The following GRIP2 variants were observed in gnomAD, a reference collection of about 807,000 sequenced individuals.
GRIP2 encodes the protein glutamate receptor-interacting protein 2.
A neutral mutation model predicts 108.3 loss-of-function variants in GRIP2; 58 were observed. The observed-to-expected ratio is 0.54, with a 90% confidence interval of 0.43 to 0.67. The LOEUF (loss-of-function observed/expected upper bound fraction) is 0.67, where lower values mean the gene tolerates loss of function less well. Among genes scored for constraint, GRIP2 ranks in the 30% least tolerant of loss-of-function variants. The pLI, the probability that GRIP2 is intolerant of heterozygous loss-of-function variation, is 0.00. For missense variants in GRIP2, 1,278 were observed against 1,430.6 expected (o/e 0.89, Z 1.72); for synonymous variants, 586 against 598.2 (o/e 0.98, Z 0.30).
At chr3:14,558,301 C>T (rs1695266923), upstream of GRIP2, among the ~76,000 whole-genome samples, 1 of 152,222 alleles carries the variant, frequency 6.6e-6, no homozygotes, top group Non-Finnish European at 1.5e-5. Context: ...CCTTATAAAA[C>T]CCCTATTGTG....
the GRIP2 span, among the ~76,000 whole-genome samples, chr3:14,565,727 C>A: frequency 6.6e-6 from 1 of 152,204 alleles, no homozygotes. Context: ...CAGACCCTTG[C>A]AGGGAGCTAT....
At position 14,522,993 on chromosome 3, in the gene GRIP2, G is replaced by A. The variant is rs968546026; in HGVS notation, c.566+7C>T. 7 of 1,613,234 alleles carry A rather than the reference G, an allele frequency of 4.3e-6. No homozygotes were observed. Among genetic ancestry groups the A allele is most frequent in the South Asian group, 2.2e-5 (2 of 91,048 alleles). ...GCAGTGTGTGGATTTCTTCTGCCTC[G>A]GCTCACCTGTCGGCAGGGCCACCGG... On this transcript the variant is annotated splice_region_variant and intron_variant, in intron 6 of 23. Transcript: ENST00000621039. This position sits in a 1 kb window ranked among gnomAD's most constrained non-coding sequence, Gnocchi z 4.3.
chr3:14,513,526 T>C (rs1694158338), intron 13 of GRIP2, 139 bp downstream of exon 13: 1 of 1,178,704 alleles, frequency 8.5e-7, no homozygotes, highest in African/African-American at 1.5e-5. Flanking sequence ...CTTCCCACTA[T>C]AAGCTGCAAA....
rs1694932501 is a variant in GRIP2, at chr3:14,540,217, G to A, written c.40+52C>T. On this transcript the variant is annotated intron_variant, in intron 1 of 23. Coordinates refer to ENST00000621039, the MANE Select transcript of GRIP2 (RefSeq NM_001080423.4). This position sits in a 1 kb window ranked among gnomAD's most constrained non-coding sequence, Gnocchi z 4.1. Reference sequence around the variant, plus strand: ...CTCTCTCTGGGCAGCAGCTCCAGAGGGATCTATGTGTTCAGCCCCATCACT... The same window carrying A: ...CTCTCTCTGGGCAGCAGCTCCAGAGAGATCTATGTGTTCAGCCCCATCACT... 1.3e-6 allele frequency: 2 copies of A among 1,594,820 alleles called. No individual in the cohort carries two copies. The highest frequency in any genetic ancestry group is 2.3e-5 in the East Asian group (1 of 44,436).
chr3:14,574,860 A>C, the GRIP2 span: 2 of 313,352 alleles, frequency 6.4e-6, no homozygotes, highest in Non-Finnish European at 1.2e-5. Flanking sequence ...ATGAATATCA[A>C]AAACATCATG....
rs1355628528 is a variant in GRIP2, at chr3:14,505,996, C to G, written c.2399-207G>C. ...AGTTAATGCCTGGGGCTCTGCGACT[C>G]TGTCTCAACTCCATCGGCCTGGGCT... is the stretch of plus-strand genomic sequence containing the variant. On this transcript the variant is annotated intron_variant, in intron 19 of 23. Coordinates refer to ENST00000621039, the MANE Select transcript of GRIP2 (RefSeq NM_001080423.4). The surrounding 1 kb of genome is among the most constrained non-coding windows in gnomAD (Gnocchi z 4.2). 1.3e-5 allele frequency among the ~76,000 whole-genome samples: 2 copies of G among 152,206 alleles called. No individual in the cohort carries two copies. Among genetic ancestry groups the G allele is most frequent in the Non-Finnish European group, 2.9e-5 (2 of 68,034 alleles).
intron 9 of GRIP2, 123 bp downstream of exon 9, chr3:14,519,987 A>G: frequency 1.0e-6 from 1 of 958,938 alleles, no homozygotes. Context: ...CCCTGGGCAA[A>G]TGAGGATTTG....
chr3:14,499,928 T>A (rs946301441), intron 21 of GRIP2, among the ~76,000 whole-genome samples: 1 of 152,172 alleles, frequency 6.6e-6, no homozygotes, highest in South Asian at 2.1e-4. Context: ...TTAAGAAAGT[T>A]TATGAATTTG....
chr3:14,489,623 G>A lies in GRIP2; in HGVS notation c.*4042C>T, dbSNP rs1701281017. On this transcript the variant is annotated 3_prime_UTR_variant, in exon 24 of 24. Coordinates refer to ENST00000621039, the MANE Select transcript of GRIP2 (RefSeq NM_001080423.4). ...TTCTACCTGCTACATGCCCAGCCCT[G>A]TACAGCTGGGAGATCTGGCAGCAGT... The A allele has an allele frequency of 6.6e-6, 1 of 152,246 alleles. No homozygotes were observed. Among genetic ancestry groups the A allele is most frequent in the Non-Finnish European group, 1.5e-5 (1 of 68,102 alleles). The allele number at this position is 152,246 out of a possible 1,614,324, so 9.4% of individuals were successfully genotyped here. A position where few individuals can be genotyped will look rare whatever the true frequency, so the allele number is the denominator to read the frequency against.
At chr3:14,560,505 G>A (rs1395205848), upstream of GRIP2, among the ~76,000 whole-genome samples, 1 of 152,126 alleles carries the variant, frequency 6.6e-6, no homozygotes, top group Non-Finnish European at 1.5e-5. Flanking sequence ...CCCAGCCACG[G>A]CAAGCAGCTC....
At chr3:14,532,780 G>C (rs1202847384) in intron 1 of GRIP2, among the ~76,000 whole-genome samples, 1 of 151,764 alleles carries the variant, frequency 6.6e-6, no homozygotes, top group Non-Finnish European at 1.5e-5. Flanking sequence ...ACCTGGTTCC[G>C]GGCCGGATCC....
At chr3:14,595,505 G>C in the GRIP2 span, among the ~76,000 whole-genome samples, 1 of 152,126 alleles carries the variant, frequency 6.6e-6, no homozygotes, top group Non-Finnish European at 1.5e-5. Flanking sequence ...GCATCCCCTT[G>C]GGACAGAGCT....
the GRIP2 span, among the ~76,000 whole-genome samples, chr3:14,569,492 G>A: frequency 1.3e-5 from 2 of 152,206 alleles, no homozygotes; most frequent in East Asian, 3.9e-4. Flanking sequence ...TGGCCAATCA[G>A]GATTGCCAGA....
chr3:14,519,889 C>T (rs964483754), intron 9 of GRIP2, among the ~76,000 whole-genome samples: 7 of 152,046 alleles, frequency 4.6e-5, no homozygotes, highest in Non-Finnish European at 4.4e-5. Flanking sequence ...TTTGGGGCAT[C>T]TATGCCAGCA....
chr3:14,498,674 A>G (rs1646708957), intron 21 of GRIP2, among the ~76,000 whole-genome samples: 1 of 152,182 alleles, frequency 6.6e-6, no homozygotes, highest in South Asian at 2.1e-4. Context: ...AGAATCAGGG[A>G]GTCCAGGCAT....
chr3:14,573,817 C>T, the GRIP2 span: 10 of 1,536,594 alleles, frequency 6.5e-6, no homozygotes, highest in South Asian at 7.8e-5. Context: ...AGCTCTGGGG[C>T]GCTGGAATGG....
At chr3:14,590,547 A>T in the GRIP2 span, among the ~76,000 whole-genome samples, 1 of 152,230 alleles carries the variant, frequency 6.6e-6, no homozygotes, top group African/African-American at 2.4e-5. Context: ...GAGAATGAAT[A>T]AGGCTCCCAG....
chr3:14,550,915 G>A (rs920488909), intron 1 of GRIP2, among the ~76,000 whole-genome samples: 2 of 152,140 alleles, frequency 1.3e-5, no homozygotes, highest in Non-Finnish European at 2.9e-5. Context: ...GCCCCGCTTC[G>A]CCTGCCCACC....
At chr3:14,558,388 A>G (rs1380309777), upstream of GRIP2, among the ~76,000 whole-genome samples, 1 of 152,058 alleles carries the variant, frequency 6.6e-6, no homozygotes, top group African/African-American at 2.4e-5. Context: ...GGTTTTGCAG[A>G]CTGTTAAGTG....
Sources: allele counts gnomAD v4.1 joint callset (sites outside exome capture counted in the v4.1 genomes callset), GRCh38; gene constraint gnomAD v4.1.1; non-coding constraint Gnocchi (gnomAD v3.1); transcripts MANE v1.5; gene names NCBI Gene and HGNC (gene_info 2026-07-23, HGNC 2026-07-21).